DNAH14: variants seen among roughly 807,000 people sequenced by gnomAD.
DNAH14 encodes the protein axonemal beta dynein heavy chain 14.
In DNAH14, 478 loss-of-function variants were observed where a neutral mutation model predicts 520.9. The ratio of observed to expected loss-of-function variants is 0.92; its 90% CI spans 0.85 to 0.99. The LOEUF (loss-of-function observed/expected upper bound fraction) is 0.99, where lower values mean the gene tolerates loss of function less well. Ranked by LOEUF, DNAH14 falls within the 50% of genes least tolerant of loss-of-function variation. The pLI is 0.00. For synonymous variants in DNAH14, 1,581 were observed against 1,757.2 expected (o/e 0.90, Z 2.51); for missense variants, 4,831 against 5,234.5 (o/e 0.92, Z 2.38).
At chr1:225,357,972 A>G in intron 73 of DNAH14, 1 of 578,892 alleles carries the variant, frequency 1.7e-6, no homozygotes, top group Non-Finnish European at 3.0e-6. Flanking sequence ...ATGCATTTAT[A>G]CTGTTTCCAA....
intron 6 of DNAH14, 113 bp downstream of exon 6, chr1:224,967,696 G>A: frequency 1.3e-6 from 2 of 1,597,948 alleles, no homozygotes; most frequent in Non-Finnish European, 1.7e-6. Flanking sequence ...TTGGTCATTT[G>A]TGGAGCAGTT....
At chr1:225,017,720 G>T (rs2065328339) in intron 10 of DNAH14, among the ~76,000 whole-genome samples, 1 of 152,236 alleles carries the variant, frequency 6.6e-6, no homozygotes, top group South Asian at 2.1e-4. Context: ...CCCAGCTGGG[G>T]CTTGCCCATG....
At chr1:225,059,416 G>T (rs12564565) in intron 17 of DNAH14, among the ~76,000 whole-genome samples, 8,347 of 152,118 alleles carry the variant, frequency 0.055, 459 homozygotes, top group East Asian at 0.23. Context: ...GAGCCTATGT[G>T]TGTCTCTGCA....
chr1:225,088,790 A>G (rs2074059444), intron 21 of DNAH14, among the ~76,000 whole-genome samples: 1 of 152,234 alleles, frequency 6.6e-6, no homozygotes, highest in South Asian at 2.1e-4. Context: ...TAGATATAAA[A>G]TGTAAACTGG....
At chr1:225,118,301 C>A (rs1363051026) in intron 25 of DNAH14, 2 of 402,918 alleles carry the variant, frequency 5.0e-6, no homozygotes, top group Non-Finnish European at 9.1e-6. Context: ...GTGCTTTTTC[C>A]CTTTTTGGTT....
chr1:224,941,715 C>T (rs980569827), intron 1 of DNAH14, among the ~76,000 whole-genome samples: 1 of 152,176 alleles, frequency 6.6e-6, no homozygotes, highest in South Asian at 2.1e-4. Flanking sequence ...CCAGTTTCAG[C>T]TTTCTACATA....
At chr1:225,156,485 G>A (rs7552584) in intron 34 of DNAH14, among the ~76,000 whole-genome samples, 46 of 152,074 alleles carry the variant, frequency 3.0e-4, no homozygotes, top group African/African-American at 9.9e-4. Context: ...TTATTGTTCC[G>A]TCAAATTACA....
chr1:225,275,478 A>G (rs2093444067), intron 52 of DNAH14, among the ~76,000 whole-genome samples: 1 of 152,190 alleles, frequency 6.6e-6, no homozygotes, highest in Non-Finnish European at 1.5e-5. Flanking sequence ...GTGAAAGATA[A>G]GCAAGAATTT....
intron 41 of DNAH14, among the ~76,000 whole-genome samples, chr1:225,227,928 C>T (rs1368257176): frequency 1.3e-5 from 2 of 152,146 alleles, no homozygotes; most frequent in African/African-American, 4.8e-5. Flanking sequence ...AGTTTGTGAC[C>T]TGAGTGCAGG....
At chr1:225,325,492 A>AT in intron 64 of DNAH14, among the ~76,000 whole-genome samples, 1 of 152,060 alleles carries the variant, frequency 6.6e-6, no homozygotes, top group East Asian at 1.9e-4. Flanking sequence ...TCTCAAAAAA[A>AT]AAAAAAATAT....
chr1:225,252,213 C>T, intron 43 of DNAH14, 88 bp from the exon 44 acceptor site: 1 of 762,890 alleles, frequency 1.3e-6, no homozygotes, highest in South Asian at 1.5e-5. Flanking sequence ...GTTCAACAAT[C>T]AGATCTTTCA....
At chr1:225,084,430 G>A (rs2073499862) in intron 20 of DNAH14, among the ~76,000 whole-genome samples, 1 of 152,082 alleles carries the variant, frequency 6.6e-6, no homozygotes, top group Non-Finnish European at 1.5e-5. Context: ...TGGTGGTCAT[G>A]CTGCAAAACT....
intron 36 of DNAH14, among the ~76,000 whole-genome samples, chr1:225,170,650 A>T (rs1476458565): frequency 2.0e-5 from 3 of 152,138 alleles, no homozygotes; most frequent in African/African-American, 7.2e-5. Context: ...AGAGACTTAG[A>T]CTCCCACACA....
chr1:225,373,106 C>T (rs1475786006), intron 77 of DNAH14, among the ~76,000 whole-genome samples: 4 of 146,362 alleles, frequency 2.7e-5, no homozygotes, highest in African/African-American at 9.9e-5. Context: ...CTTACAGCCA[C>T]TGAACATTGA....
At position 225,001,105 on chromosome 1, in the gene DNAH14, C is replaced by CTTT. The variant is rs56251439; in HGVS notation, c.831-1667_831-1665dup. Among the ~76,000 whole-genome samples, 15 of 144,238 alleles carry CTTT rather than the reference C, an allele frequency of 1.0e-4. No homozygotes were observed. The East Asian group carries it at 1.4e-3, about 14-fold the overall frequency. The allele number at this position is 144,238 out of a possible 152,430, so 94.6% of individuals were successfully genotyped here. ...CCTGGTCCTTTAGCTAGGCAATGGACTTTTTTTTTTTTTAATCTGTACCCA... is the reference window on the plus strand; with the variant it reads ...CCTGGTCCTTTAGCTAGGCAATGGACTTTTTTTTTTTTTTTTAATCTGTACCCA... On this transcript the variant is annotated intron_variant, in intron 8 of 85. Transcript: ENST00000682510.
chr1:225,038,175 G>A (rs1318210062), intron 11 of DNAH14, among the ~76,000 whole-genome samples: 1 of 152,086 alleles, frequency 6.6e-6, no homozygotes, highest in East Asian at 1.9e-4. Context: ...GTCTGGGAAG[G>A]TTTTTATTTT....
chr1:225,053,400 C>G (rs916146396), intron 17 of DNAH14, among the ~76,000 whole-genome samples: 1 of 152,146 alleles, frequency 6.6e-6, no homozygotes, highest in African/African-American at 2.4e-5. Flanking sequence ...GCCTAGTAAG[C>G]CATGTCAGGG....
chr1:225,090,961 T>G (rs1484802867), intron 21 of DNAH14, among the ~76,000 whole-genome samples: 1 of 152,140 alleles, frequency 6.6e-6, no homozygotes. Context: ...AGAAAATATT[T>G]GTAAAGCATA....
chr1:225,368,705 A>G (rs1030566396), intron 77 of DNAH14, among the ~76,000 whole-genome samples: 6 of 152,168 alleles, frequency 3.9e-5, no homozygotes, highest in Non-Finnish European at 8.8e-5. Flanking sequence ...CAATTTAAAA[A>G]AAAAACTTTC....
Sources: gnomAD v4.1 joint callset for allele counts (sites outside exome capture counted in the v4.1 genomes callset) on GRCh38, gnomAD v4.1.1 for gene constraint, MANE v1.5 for transcripts, NCBI Gene and HGNC (gene_info 2026-07-23, HGNC 2026-07-21) for gene names.